FAM222A: variants seen among roughly 807,000 people sequenced by gnomAD.
FAM222A encodes the protein family with sequence similarity 222 member A, also known as protein FAM222A.
Under a neutral mutation model 25.8 loss-of-function variants are expected in FAM222A, and 7 were observed. The observed-to-expected ratio is 0.27, with a 90% CI of 0.15 to 0.51. The LOEUF is 0.51. FAM222A is among the 20% of genes least tolerant of loss of function. The probability of loss-of-function intolerance (pLI) is 0.97; values close to 1 mark genes in which losing one functional copy is unlikely to be tolerated. For synonymous variants in FAM222A, 294 were observed against 298.8 expected, an observed-to-expected ratio of 0.98 and a Z score of 0.17; for missense variants, 573 against 640.5, an observed-to-expected ratio of 0.89 and a Z score of 1.14.
intron 2 of FAM222A, among the ~76,000 whole-genome samples, chr12:109,751,458 T>C (rs1888556907): frequency 6.6e-6 from 1 of 152,196 alleles, no homozygotes; most frequent in Non-Finnish European, 1.5e-5. Context: ...ATTATTTTTA[T>C]TAGGTCCTAT....
intron 1 of FAM222A, among the ~76,000 whole-genome samples, chr12:109,732,704 G>T (rs1199161112): frequency 6.6e-6 from 1 of 152,236 alleles, no homozygotes; most frequent in Non-Finnish European, 1.5e-5. Context: ...GGAGGTGTGT[G>T]TGAGAGTGTA....
chr12:109,713,856 T>C lies in FAM222A; in HGVS notation c.-1088T>C, dbSNP rs953100920. The stretch of plus-strand genomic sequence containing the variant: ...GCCAGAGCGGAGCAGCGGGCAGGAC[T>C]GCCTGGCCGGCTGCTCCGCGGAGAG... On this transcript the variant is annotated 5_prime_UTR_variant, in exon 1 of 3. Coordinates refer to ENST00000538780, the MANE Select transcript of FAM222A (RefSeq NM_032829.3). Among the ~76,000 whole-genome samples the C allele has an allele frequency of 1.3e-5, 2 of 149,278 alleles. No homozygotes were observed. The highest frequency in any genetic ancestry group is 4.9e-5 in the African/African-American group (2 of 40,912).
intron 1 of FAM222A, among the ~76,000 whole-genome samples, chr12:109,725,439 T>TCCCTCCCCCG (rs1555288254): frequency 1.0e-5 from 1 of 97,896 alleles, no homozygotes; most frequent in African/African-American, 3.7e-5. Flanking sequence ...TCCCTCCCCC[T>TCCCTCCCCCG]CCCTCCCCTA....
Position 109,768,625 on chromosome 12 carries a change from G to A in FAM222A, c.696G>A (p.Lys232=). Residue 232 remains lysine, a synonymous_variant, in exon 3 of 3, where the codon AAG becomes AAA. Coordinates refer to ENST00000538780, the MANE Select transcript of FAM222A (RefSeq NM_032829.3). ...GMAIPHPSPA[K]HGPVPSFPSM... Reference sequence around the variant, plus strand: ...CTATTCCCCATCCCAGCCCTGCCAAGCACGGCCCAGTGCCCAGCTTCCCCA... The same window carrying A: ...CTATTCCCCATCCCAGCCCTGCCAAACACGGCCCAGTGCCCAGCTTCCCCA... 6.2e-7 allele frequency: 1 copy of A among 1,602,666 alleles called. No individual in the cohort carries two copies.
intron 2 of FAM222A, among the ~76,000 whole-genome samples, chr12:109,749,162 A>C (rs1888489817): frequency 6.6e-6 from 1 of 152,112 alleles, no homozygotes. Flanking sequence ...GCTGGAGTGC[A>C]ATGGTGCAAT....
rs780159329 is a variant in FAM222A, at chr12:109,714,705, C to A, written c.-239C>A. On this transcript the variant is annotated 5_prime_UTR_variant, in exon 1 of 3. Transcript: ENST00000538780. This position sits in a 1 kb window ranked among gnomAD's most constrained non-coding sequence, Gnocchi z 4.2. Reference sequence around the variant, plus strand: ...TGCTGAACGGAGACCTCCCCTCCCCCCCGACTTCGGACGGCGCAGGCCGGC... The same window carrying A: ...TGCTGAACGGAGACCTCCCCTCCCCACCGACTTCGGACGGCGCAGGCCGGC... 2 of 152,364 alleles carry A rather than the reference C, an allele frequency of 1.3e-5. No individual in the cohort carries two copies. The highest frequency in any genetic ancestry group is 3.4e-3 in the Middle Eastern group (1 of 296). 9.4% of individuals were successfully genotyped at this position (152,364 alleles called of 1,614,324 possible).
At chr12:109,750,766 T>C (rs1040326449) in intron 2 of FAM222A, among the ~76,000 whole-genome samples, 1 of 151,922 alleles carries the variant, frequency 6.6e-6, no homozygotes, top group African/African-American at 2.4e-5. Context: ...GCCTTTCTAC[T>C]TGAGTGGGTT....
intron 2 of FAM222A, among the ~76,000 whole-genome samples, chr12:109,760,727 T>G (rs1387730396): frequency 1.3e-5 from 2 of 152,200 alleles, no homozygotes; most frequent in Non-Finnish European, 2.9e-5. Context: ...CCACAAGGAC[T>G]GCGGAAGGGC....
chr12:109,756,107 T>C (rs1022779959), intron 2 of FAM222A, among the ~76,000 whole-genome samples: 5 of 152,258 alleles, frequency 3.3e-5, no homozygotes, highest in Admixed American at 2.6e-4. Flanking sequence ...TCTTTCCATT[T>C]ATTTTTCTTT....
rs75050546 is a variant in FAM222A at position 109,741,760 on chromosome 12, G to T, written c.-46-2341G>T. On this transcript the variant is annotated intron_variant, in intron 1 of 2. Transcript: ENST00000538780. ...CAGGCCAGAGAGGGTCATTAACCCA[G>T]CCGGGGTCACACAGGGTGTGCTGGG... Among the ~76,000 whole-genome samples the T allele has an allele frequency of 7.2e-5, 11 of 152,324 alleles. No individual in the cohort carries two copies. In the East Asian group the frequency reaches 2.1e-3, roughly 29 times the overall value.
At chr12:109,746,042 C>G (rs909699623) in intron 2 of FAM222A, among the ~76,000 whole-genome samples, 1 of 151,888 alleles carries the variant, frequency 6.6e-6, no homozygotes, top group African/African-American at 2.4e-5. Context: ...GTTTTTGATT[C>G]TGCCATGGAG....
At chr12:109,739,564 A>G (rs1026983364) in intron 1 of FAM222A, among the ~76,000 whole-genome samples, 10 of 152,078 alleles carry the variant, frequency 6.6e-5, no homozygotes, top group African/African-American at 2.4e-4. Flanking sequence ...TTATGGGATG[A>G]ATAAGTGGCC....
At position 109,768,541 on chromosome 12, in the gene FAM222A, C is replaced by T. The variant is rs773932548; in HGVS notation, c.612C>T (p.Tyr204=). 2.5e-6 allele frequency: 4 copies of T among 1,603,944 alleles called. No homozygotes were observed. The highest frequency in any genetic ancestry group is 1.1e-5 in the South Asian group (1 of 90,794). ...TGCCCTCCATCCACAGCCTCCTGTA[C>T]CAGCTCAACCAGCAGTGCCAGGCCC... ...SNLPSIHSLL[Y]QLNQQCQAPG... is the part of the protein sequence containing the mutation. The change falls in exon 3 of 3, where the codon TAC becomes TAT. Residue 204 remains tyrosine (Y), a synonymous_variant. Coordinates refer to ENST00000538780, the MANE Select transcript of FAM222A (RefSeq NM_032829.3).
intron 1 of FAM222A, chr12:109,722,717 T>A (rs983220570): frequency 2.0e-5 from 3 of 152,228 alleles, no homozygotes; most frequent in Admixed American, 6.5e-5. Flanking sequence ...CTGGGCTGTC[T>A]GCACCTTTCG....
chr12:109,767,407 G>T (rs1889085778), intron 2 of FAM222A, among the ~76,000 whole-genome samples: 2 of 152,128 alleles, frequency 1.3e-5, no homozygotes, highest in Admixed American at 1.3e-4. Context: ...GCATGCCTAG[G>T]ATCACTTGAG....
chr12:109,726,054 C>T (rs987152195), intron 1 of FAM222A, among the ~76,000 whole-genome samples: 2 of 150,216 alleles, frequency 1.3e-5, no homozygotes, highest in African/African-American at 4.9e-5. Flanking sequence ...TGGCCTGGGC[C>T]TCCTGCCCCG....
Position 109,727,678 on chromosome 12 carries a change from G to A in FAM222A, c.-47+12781G>A, listed in dbSNP as rs182655511. 2.4e-4 allele frequency among the ~76,000 whole-genome samples: 37 copies of A among 152,306 alleles called. 1 individual carries two copies. The highest frequency in any genetic ancestry group is 3.8e-4 in the Non-Finnish European group (26 of 68,012). On this transcript the variant is annotated intron_variant, in intron 1 of 2. Coordinates refer to ENST00000538780, the MANE Select transcript of FAM222A (RefSeq NM_032829.3). ...CACGTGGTCATGGGGTGGGGATGTGGCCGACTCTAAAGCTTTCTCTGTCTG... is the reference window on the plus strand; with the variant it reads ...CACGTGGTCATGGGGTGGGGATGTGACCGACTCTAAAGCTTTCTCTGTCTG...
chr12:109,748,330 CTTTCTTTTTT>C (rs1209955531), intron 2 of FAM222A, among the ~76,000 whole-genome samples: 48 of 40,428 alleles, frequency 1.2e-3, no homozygotes, highest in Admixed American at 5.6e-3. Context: ...CTTTGGTTTT[CTTTCTTTTTT>C]TTTTTTTTTT....
rs1259460410 is a variant in FAM222A, at chr12:109,714,111, G to A, written c.-833G>A. On this transcript the variant is annotated 5_prime_UTR_variant, in exon 1 of 3. Transcript: ENST00000538780. The surrounding 1 kb of genome is among the most constrained non-coding windows in gnomAD (Gnocchi z 4.2). ...CGCACACCCGGTGCACAGTCCCCCG[G>A]GCCGTCCTCGTGTCCGTCCTGCGCC... 1 of 156,272 alleles carries A rather than the reference G, an allele frequency of 6.4e-6. No individual in the cohort carries two copies. Among genetic ancestry groups the A allele is most frequent in the Non-Finnish European group, 1.4e-5 (1 of 70,240 alleles). 9.7% of individuals were successfully genotyped at this position (156,272 alleles called of 1,614,324 possible).
Sources: allele counts gnomAD v4.1 joint callset (sites outside exome capture counted in the v4.1 genomes callset), GRCh38; gene constraint gnomAD v4.1.1; non-coding constraint Gnocchi (gnomAD v3.1); transcripts MANE v1.5; gene names NCBI Gene and HGNC (gene_info 2026-07-23, HGNC 2026-07-21).